Variants in PTPRM observed in about 807,000 individuals in gnomAD.
PTPRM encodes receptor-type tyrosine-protein phosphatase mu.
In PTPRM, 47 loss-of-function variants were observed where a neutral mutation model predicts 186.7. That is an observed-to-expected ratio of 0.25 (90% CI 0.20 to 0.32). The LOEUF (loss-of-function observed/expected upper bound fraction) is 0.32, where lower values mean the gene tolerates loss of function less well. Among genes scored for constraint, PTPRM ranks in the 10% least tolerant of loss-of-function variants. The probability of loss-of-function intolerance (pLI) is 1.00; values close to 1 mark genes in which losing one functional copy is unlikely to be tolerated. For missense variants in PTPRM, 1,494 were observed against 1,865.0 expected (o/e 0.80, Z 3.66); for synonymous variants, 668 against 674.9 (o/e 0.99, Z 0.16).
chr18:7,614,227 A>G (rs1409441820), intron 1 of PTPRM, among the ~76,000 whole-genome samples: 1 of 152,352 alleles, frequency 6.6e-6, no homozygotes, highest in Admixed American at 6.5e-5. Flanking sequence ...GTAAAACAGT[A>G]CAAACACCAA....
chr18:8,241,458 A>T (rs1410018595), intron 14 of PTPRM, among the ~76,000 whole-genome samples: 2 of 152,262 alleles, frequency 1.3e-5, no homozygotes, highest in Non-Finnish European at 2.9e-5. Context: ...GTTATTGATG[A>T]AAAACAAAAG....
intron 7 of PTPRM, among the ~76,000 whole-genome samples, chr18:8,012,771 ATT>A (rs576442496): frequency 2.3e-3 from 347 of 152,304 alleles, no homozygotes; most frequent in African/African-American, 7.8e-3. Context: ...TATCTTTGTC[ATT>A]TTGTGAAAAC....
chr18:7,905,918 A>G (rs995213977), intron 3 of PTPRM, among the ~76,000 whole-genome samples: 1 of 152,216 alleles, frequency 6.6e-6, no homozygotes, highest in African/African-American at 2.4e-5. Flanking sequence ...AGCAATCTGA[A>G]TCTTAACGTT....
Position 8,152,712 on chromosome 18 carries a change from C to CTTTTT in PTPRM, c.2300+8953_2300+8957dup, listed in dbSNP as rs35112154. ...TTTCTCTTTTTCTTATGCCTCACCT[C>CTTTTT]TTTTTTTTTTTTTTTTTTTTTTTTG... On this transcript the variant is annotated intron_variant, in intron 14 of 32. Coordinates refer to ENST00000580170, the MANE Select transcript of PTPRM (RefSeq NM_001105244.2). Among the ~76,000 whole-genome samples the CTTTTT allele has an allele frequency of 4.3e-3, 242 of 56,818 alleles. 1 individual carries two copies. The highest frequency in any genetic ancestry group is 6.5e-3 in the African/African-American group (86 of 13,210). 37.3% of individuals were successfully genotyped at this position (56,818 alleles called of 152,430 possible). A position where few individuals can be genotyped will look rare whatever the true frequency, so the allele number is the denominator to read the frequency against.
At chr18:7,717,509 T>C (rs1051582635) in intron 1 of PTPRM, among the ~76,000 whole-genome samples, 16 of 152,230 alleles carry the variant, frequency 1.1e-4, no homozygotes, top group Non-Finnish European at 2.4e-4. Flanking sequence ...TCATGTGATC[T>C]CATTTTTCTT....
intron 14 of PTPRM, among the ~76,000 whole-genome samples, chr18:8,170,501 A>G (rs2093383574): frequency 6.6e-6 from 1 of 152,146 alleles, no homozygotes; most frequent in African/African-American, 2.4e-5. Flanking sequence ...GGGTTAAAAA[A>G]AAAAAAAAAA....
intron 2 of PTPRM, among the ~76,000 whole-genome samples, chr18:7,870,684 C>G (rs919995178): frequency 2.6e-5 from 4 of 152,172 alleles, no homozygotes; most frequent in Non-Finnish European, 5.9e-5. Context: ...AATATTAAAT[C>G]ACCTGAATAT....
intron 7 of PTPRM, among the ~76,000 whole-genome samples, chr18:8,048,117 A>T (rs1364356360): frequency 2.0e-5 from 3 of 152,176 alleles, no homozygotes; most frequent in Admixed American, 2.0e-4. Context: ...CTTGAGAGAG[A>T]TAGAAAAGTA....
At chr18:8,392,426 T>A (rs34098486) in intron 31 of PTPRM, among the ~76,000 whole-genome samples, 4 of 152,008 alleles carry the variant, frequency 2.6e-5, no homozygotes, top group South Asian at 2.1e-4. Flanking sequence ...AGATTGAGAC[T>A]ATCCTGGCTA....
chr18:8,163,977 C>T (rs1377835862), intron 14 of PTPRM, among the ~76,000 whole-genome samples: 1 of 152,126 alleles, frequency 6.6e-6, no homozygotes. Flanking sequence ...AGTGATAATA[C>T]GTGAAGAACT....
chr18:7,853,766 ATTC>A (rs1907255469), intron 2 of PTPRM, among the ~76,000 whole-genome samples: 1 of 151,900 alleles, frequency 6.6e-6, no homozygotes, highest in Non-Finnish European at 1.5e-5. Context: ...TACCAAGCTG[ATTC>A]TCTTTGGAAC....
intron 2 of PTPRM, among the ~76,000 whole-genome samples, chr18:7,843,564 C>T (rs1171945815): frequency 2.0e-5 from 3 of 152,180 alleles, no homozygotes; most frequent in Non-Finnish European, 4.4e-5. Flanking sequence ...AGTGCTAATT[C>T]AGATGTGATA....
At chr18:8,141,202 A>T (rs2092758680) in intron 13 of PTPRM, among the ~76,000 whole-genome samples, 2 of 152,200 alleles carry the variant, frequency 1.3e-5, no homozygotes, top group South Asian at 4.1e-4. Flanking sequence ...CCATCAGGTT[A>T]TCCGAGGGCT....
At chr18:8,300,661 G>A (rs2095147136) in intron 20 of PTPRM, among the ~76,000 whole-genome samples, 2 of 152,246 alleles carry the variant, frequency 1.3e-5, no homozygotes, top group Admixed American at 1.3e-4. Context: ...GGGCATTGCG[G>A]TGGGCTGTCA....
Position 8,009,073 on chromosome 18 carries a change from C to T in PTPRM, c.1132+53659C>T, listed in dbSNP as rs1012934184. On this transcript the variant is annotated intron_variant, in intron 7 of 32. Transcript: ENST00000580170. ...AGGGTTGGAAACTTAAGCTGAGTTT[C>T]GAAGGGCAGGCAGTTCTTAAGTAAG... Among the ~76,000 whole-genome samples the T allele has an allele frequency of 2.6e-5, 4 of 152,022 alleles. No individual in the cohort carries two copies. In the East Asian group the frequency reaches 5.8e-4, roughly 22 times the overall value.
intron 13 of PTPRM, among the ~76,000 whole-genome samples, chr18:8,119,130 T>C (rs1044451103): frequency 6.6e-5 from 10 of 152,210 alleles, no homozygotes; most frequent in African/African-American, 2.4e-4. Flanking sequence ...ACTGTTTTTG[T>C]AAGTAACATT....
At chr18:8,248,831 A>T (rs953437150) in intron 17 of PTPRM, among the ~76,000 whole-genome samples, 1 of 152,232 alleles carries the variant, frequency 6.6e-6, no homozygotes, top group African/African-American at 2.4e-5. Flanking sequence ...TATGTGTCAG[A>T]TGTCACTAGA....
chr18:7,848,194 G>A (rs1008207764), intron 2 of PTPRM, among the ~76,000 whole-genome samples: 1 of 152,112 alleles, frequency 6.6e-6, no homozygotes, highest in Non-Finnish European at 1.5e-5. Flanking sequence ...TTGCCTAATA[G>A]TCTGCTGGAC....
chr18:8,240,777 G>GGAGA (rs747648655), intron 14 of PTPRM, among the ~76,000 whole-genome samples: 22 of 57,360 alleles, frequency 3.8e-4, no homozygotes, highest in East Asian at 2.1e-3. Flanking sequence ...AGAGAGAGAG[G>GGAGA]GAGAGAGAGA....
Sources: gnomAD v4.1 joint callset for allele counts (sites outside exome capture counted in the v4.1 genomes callset) on GRCh38, gnomAD v4.1.1 for gene constraint, MANE v1.5 for transcripts, NCBI Gene and HGNC (gene_info 2026-07-23, HGNC 2026-07-21) for gene names.